The following NEMP2 variants were observed in gnomAD, a reference collection of about 807,000 sequenced individuals.
NEMP2 encodes the protein nuclear envelope integral membrane protein 2.
In NEMP2, 53 loss-of-function variants were observed where a neutral mutation model predicts 54.2. That is an observed-to-expected ratio of 0.98 (90% confidence interval 0.78 to 1.23). The LOEUF (loss-of-function observed/expected upper bound fraction) is 1.23. Among genes scored for constraint, NEMP2 ranks in the 50% most tolerant of loss-of-function variants. NEMP2 has a pLI of 0.00. For synonymous variants in NEMP2, 197 were observed against 190.3 expected (o/e 1.04, Z -0.29); for missense variants, 455 against 511.3 (o/e 0.89, Z 1.06).
the NEMP2 span, among the ~76,000 whole-genome samples, chr2:190,491,567 C>T: frequency 6.6e-6 from 1 of 152,202 alleles, no homozygotes; most frequent in Non-Finnish European, 1.5e-5. This position sits in a 1 kb window ranked among gnomAD's most constrained non-coding sequence, Gnocchi z 4.2. Context: ...ATGACAATCA[C>T]TACAGCCTGG....
At chr2:190,470,072 T>A in the NEMP2 span, among the ~76,000 whole-genome samples, 4 of 152,348 alleles carry the variant, frequency 2.6e-5, no homozygotes, top group Admixed American at 2.6e-4. Flanking sequence ...CTGGACTTGA[T>A]CCACACCCTT....
At chr2:190,600,435 T>C in the NEMP2 span, among the ~76,000 whole-genome samples, 1 of 152,180 alleles carries the variant, frequency 6.6e-6, no homozygotes, top group Non-Finnish European at 1.5e-5. The surrounding 1 kb of genome is among the most constrained non-coding windows in gnomAD (Gnocchi z 4.9). Context: ...AAAACTCATG[T>C]TGAAATTTAA....
chr2:190,550,503 A>C, the NEMP2 span, among the ~76,000 whole-genome samples: 2 of 152,226 alleles, frequency 1.3e-5, no homozygotes, highest in Non-Finnish European at 2.9e-5. The surrounding 1 kb of genome is among the most constrained non-coding windows in gnomAD (Gnocchi z 4.7). Flanking sequence ...ATAGCGATGA[A>C]ATTAGAATAT....
At chr2:190,460,841 G>C in the NEMP2 span, among the ~76,000 whole-genome samples, 1 of 152,156 alleles carries the variant, frequency 6.6e-6, no homozygotes, top group Non-Finnish European at 1.5e-5. Context: ...TGTTGTGCCA[G>C]ACAAGGTGAC....
chr2:190,484,054 T>G, the NEMP2 span, among the ~76,000 whole-genome samples: 1 of 152,118 alleles, frequency 6.6e-6, no homozygotes. Flanking sequence ...GTGGACTACT[T>G]GGTCTCTGAG....
chr2:190,584,980 C>T, the NEMP2 span, among the ~76,000 whole-genome samples: 1 of 151,664 alleles, frequency 6.6e-6, no homozygotes, highest in Admixed American at 6.6e-5. This position sits in a 1 kb window ranked among gnomAD's most constrained non-coding sequence, Gnocchi z 4.2. Flanking sequence ...AATGTACTAG[C>T]TTAACTTCCA....
At chr2:190,465,823 T>A in the NEMP2 span, among the ~76,000 whole-genome samples, 1 of 152,142 alleles carries the variant, frequency 6.6e-6, no homozygotes, top group Non-Finnish European at 1.5e-5. The surrounding 1 kb of genome is among the most constrained non-coding windows in gnomAD (Gnocchi z 4.6). Flanking sequence ...TGAAACCCCA[T>A]CTCTACTAAA....
downstream of NEMP2, chr2:190,501,050 C>T (rs1201593542): frequency 6.6e-6 from 1 of 152,164 alleles, no homozygotes; most frequent in African/African-American, 2.4e-5. Flanking sequence ...TAGCCTCTCT[C>T]GCTATTTACT....
the NEMP2 span, among the ~76,000 whole-genome samples, chr2:190,460,688 A>G: frequency 0.19 from 29,099 of 152,040 alleles, 2,948 homozygotes; most frequent in East Asian, 0.29. Context: ...TGATGCTGCA[A>G]TCACATATTA....
chr2:190,557,349 TAAGACCTAAAGC>T, the NEMP2 span, among the ~76,000 whole-genome samples: 1 of 152,180 alleles, frequency 6.6e-6, no homozygotes, highest in Non-Finnish European at 1.5e-5. Flanking sequence ...GACTTAAACG[TAAGACCTAAAGC>T]CATAAAAACC....
downstream of NEMP2, chr2:190,500,873 A>G (rs1689992073): frequency 6.6e-6 from 1 of 152,212 alleles, no homozygotes; most frequent in Admixed American, 6.5e-5. This position sits in a 1 kb window ranked among gnomAD's most constrained non-coding sequence, Gnocchi z 5.3. Context: ...TGAGCAACAG[A>G]AGCTATTATT....
Position 190,519,810 on chromosome 2 carries a change from G to T in NEMP2, c.214-627C>A, listed in dbSNP as rs958832901. On this transcript the variant is annotated intron_variant, in intron 2 of 8. Coordinates refer to ENST00000409150, the MANE Select transcript of NEMP2 (RefSeq NM_001142645.2). This position sits in a 1 kb window ranked among gnomAD's most constrained non-coding sequence, Gnocchi z 5.4. ...AATGTACAGGCATACCCATTTTATT[G>T]TTTTACATCACTGTGCTTTGCAGAT... Among the ~76,000 whole-genome samples, 1 of 152,214 alleles carries T rather than the reference G, an allele frequency of 6.6e-6. No individual in the cohort carries two copies. Among genetic ancestry groups the T allele is most frequent in the African/African-American group, 2.4e-5 (1 of 41,450 alleles).
At chr2:190,432,296 G>A in the NEMP2 span, among the ~76,000 whole-genome samples, 1 of 152,340 alleles carries the variant, frequency 6.6e-6, no homozygotes, top group Non-Finnish European at 1.5e-5. Context: ...AAGTGGGATG[G>A]GGAAAGGGGC....
the NEMP2 span, among the ~76,000 whole-genome samples, chr2:190,475,327 G>A: frequency 6.6e-6 from 1 of 152,182 alleles, no homozygotes; most frequent in Non-Finnish European, 1.5e-5. Flanking sequence ...CATCGTCTCA[G>A]CCCAAAATCT....
At chr2:190,574,813 T>C in the NEMP2 span, among the ~76,000 whole-genome samples, 15 of 62,624 alleles carry the variant, frequency 2.4e-4, no homozygotes, top group South Asian at 0.01. Context: ...CTCCCTTCCC[T>C]CCCTTCCCCC....
At chr2:190,627,655 A>T in the NEMP2 span, among the ~76,000 whole-genome samples, 1 of 151,216 alleles carries the variant, frequency 6.6e-6, no homozygotes, top group African/African-American at 2.4e-5. This position sits in a 1 kb window ranked among gnomAD's most constrained non-coding sequence, Gnocchi z 4.4. Context: ...ATTAGTTACC[A>T]GTGTTGACTC....
the NEMP2 span, among the ~76,000 whole-genome samples, chr2:190,635,861 A>T: frequency 6.6e-6 from 1 of 152,062 alleles, no homozygotes; most frequent in South Asian, 2.1e-4. The surrounding 1 kb of genome is among the most constrained non-coding windows in gnomAD (Gnocchi z 4.1). Context: ...TAACAGAAGT[A>T]AGTTCCTATG....
chr2:190,568,295 A>T, the NEMP2 span, among the ~76,000 whole-genome samples: 3 of 152,184 alleles, frequency 2.0e-5, no homozygotes, highest in Non-Finnish European at 2.9e-5. This position sits in a 1 kb window ranked among gnomAD's most constrained non-coding sequence, Gnocchi z 4.7. Flanking sequence ...TCACTAAGGA[A>T]ATTAAAATCA....
rs957792074 is a variant in NEMP2 at position 190,529,454 on chromosome 2, C to T, written c.98-4076G>A. On this transcript the variant is annotated intron_variant, in intron 1 of 8. Coordinates refer to ENST00000409150, the MANE Select transcript of NEMP2 (RefSeq NM_001142645.2). The surrounding 1 kb of genome is among the most constrained non-coding windows in gnomAD (Gnocchi z 4.7). ...TCCCAGATCTTGGCAGAGCTCATCC[C>T]TTCCAATCACTGATATACTCTATCA... 1.3e-5 allele frequency among the ~76,000 whole-genome samples: 2 copies of T among 152,140 alleles called. No homozygotes were observed. The highest frequency in any genetic ancestry group is 1.3e-4 in the Admixed American group (2 of 15,278).
Sources: gnomAD v4.1 joint callset for allele counts (sites outside exome capture counted in the v4.1 genomes callset) on GRCh38, gnomAD v4.1.1 for gene constraint, Gnocchi (gnomAD v3.1) non-coding constraint, MANE v1.5 for transcripts, NCBI Gene and HGNC (gene_info 2026-07-23, HGNC 2026-07-21) for gene names.